The following SHMT1 variants were observed in gnomAD, a reference collection of about 807,000 sequenced individuals.
SHMT1 encodes the protein serine hydroxymethyltransferase 1, also known as serine hydroxymethyltransferase, cytosolic.
In SHMT1, 45 loss-of-function variants were observed where a neutral mutation model predicts 49.0. That is an observed-to-expected ratio of 0.92 (90% CI 0.72 to 1.18). SHMT1 has a LOEUF of 1.18. SHMT1 is among the 50% of genes most tolerant of loss of function. The pLI, the probability that SHMT1 is intolerant of heterozygous loss-of-function variation, is 0.00. For synonymous variants in SHMT1, 232 were observed against 246.6 expected (o/e 0.94, Z 0.55); for missense variants, 541 against 612.4 (o/e 0.88, Z 1.23).
intron 8 of SHMT1, 171 bp from the exon 9 acceptor site, chr17:18,333,459 T>G (rs1243740246): frequency 9.4e-6 from 3 of 319,342 alleles, no homozygotes; most frequent in Non-Finnish European, 1.6e-5. Flanking sequence ...AAATTTTTTA[T>G]TATTTATTAT....
intron 5 of SHMT1, among the ~76,000 whole-genome samples, chr17:18,346,649 C>A (rs1391081729): frequency 6.6e-6 from 1 of 152,068 alleles, no homozygotes; most frequent in East Asian, 1.9e-4. Context: ...CCAATAAGCT[C>A]ATCATTAAGC....
rs1386996913 is a variant in SHMT1 at position 18,347,752 on chromosome 17, C to G, written c.359-96G>C. 16 of 1,360,578 alleles carry G rather than the reference C, an allele frequency of 1.2e-5. No individual in the cohort carries two copies. The East Asian group carries it at 3.5e-4, about 30-fold the overall frequency. 84.3% of individuals were successfully genotyped at this position (1,360,578 alleles called of 1,614,324 possible). ...CCACTAAGCCTTCACCCAGGAGTGG[C>G]GAGAACAGGCCTTGTACCTTCCCTG... On this transcript the variant is annotated intron_variant, in intron 4 of 11. Coordinates refer to ENST00000316694, the MANE Select transcript of SHMT1 (RefSeq NM_004169.5).
In SHMT1 at chr17:18,348,452, G is replaced by C; in HGVS notation, c.243-12C>G. ...TCCCGCCATAGTATCTGTGGGAGAAGAGCAGGAGACTTAGATCCACTCAGA... is the reference window on the plus strand; with the variant it reads ...TCCCGCCATAGTATCTGTGGGAGAACAGCAGGAGACTTAGATCCACTCAGA... On this transcript the variant is annotated splice_polypyrimidine_tract_variant and intron_variant, in intron 3 of 11. Transcript: ENST00000316694. The C allele has an allele frequency of 2.5e-6, 4 of 1,583,130 alleles. No homozygotes were observed. The highest frequency in any genetic ancestry group is 3.5e-6 in the Non-Finnish European group (4 of 1,151,780).
At chr17:18,358,263 G>C (rs1403889612) in intron 1 of SHMT1, among the ~76,000 whole-genome samples, 8 of 150,990 alleles carry the variant, frequency 5.3e-5, no homozygotes, top group Non-Finnish European at 1.2e-4. Flanking sequence ...AGGCCGAGGT[G>C]GGCGGATCAG....
At chr17:18,356,480 C>T (rs752469463) in intron 1 of SHMT1, among the ~76,000 whole-genome samples, 38 of 152,140 alleles carry the variant, frequency 2.5e-4, no homozygotes, top group Non-Finnish European at 3.7e-4. Context: ...GGACTACAGG[C>T]GTGCGCCACT....
chr17:18,342,453 C>T (rs778837902), intron 5 of SHMT1, among the ~76,000 whole-genome samples: 22 of 151,990 alleles, frequency 1.4e-4, no homozygotes, highest in Non-Finnish European at 2.9e-4. Context: ...ATAGCTGGGA[C>T]CACAGGCAGT....
At chr17:18,337,345 GA>G (rs1251063660) in intron 7 of SHMT1, among the ~76,000 whole-genome samples, 16 of 152,216 alleles carry the variant, frequency 1.1e-4, no homozygotes, top group Non-Finnish European at 1.8e-4. Context: ...CACAGTGGGG[GA>G]AAAAACCAAA....
intron 9 of SHMT1, 70 bp downstream of exon 9, chr17:18,333,096 G>C: frequency 6.3e-7 from 1 of 1,586,858 alleles, no homozygotes; most frequent in Non-Finnish European, 8.6e-7. Context: ...CATCCTGGTT[G>C]CACAAACTGA....
intron 5 of SHMT1, among the ~76,000 whole-genome samples, chr17:18,342,537 C>G (rs1984634646): frequency 6.6e-6 from 1 of 151,884 alleles, no homozygotes; most frequent in South Asian, 2.1e-4. Flanking sequence ...TGGTCTCGAA[C>G]TCCTGGACTC....
At chr17:18,339,917 TG>T (rs1354316833) in intron 7 of SHMT1, 125 bp downstream of exon 7, 7 of 962,628 alleles carry the variant, frequency 7.3e-6, no homozygotes, top group African/African-American at 1.6e-5. Context: ...TTTAAGGGAC[TG>T]GGATCTTAAT....
In SHMT1 at chr17:18,340,398, T is replaced by C; in HGVS notation, c.602-143A>G. On this transcript the variant is annotated intron_variant, in intron 6 of 11. Coordinates refer to ENST00000316694, the MANE Select transcript of SHMT1 (RefSeq NM_004169.5). The surrounding 1 kb of genome is among the most constrained non-coding windows in gnomAD (Gnocchi z 4.5). Reference sequence around the variant, plus strand: ...CTCAGAGCAAAAATGGAGAATGCCCTCAAAAAGCACCTCTGTGCTAAAGGC... The same window carrying C: ...CTCAGAGCAAAAATGGAGAATGCCCCCAAAAAGCACCTCTGTGCTAAAGGC... 1.1e-6 allele frequency: 1 copy of C among 900,890 alleles called. No individual in the cohort carries two copies. The highest frequency in any genetic ancestry group is 1.8e-6 in the Non-Finnish European group (1 of 568,606). 55.8% of individuals were successfully genotyped at this position (900,890 alleles called of 1,614,324 possible).
At chr17:18,357,537 A>G (rs1436478960) in intron 1 of SHMT1, among the ~76,000 whole-genome samples, 1 of 152,056 alleles carries the variant, frequency 6.6e-6, no homozygotes, top group African/African-American at 2.4e-5. Context: ...AGCAAATAGC[A>G]CCTATTCACT....
chr17:18,348,801 C>T, intron 3 of SHMT1: 1 of 484,396 alleles, frequency 2.1e-6, no homozygotes. Flanking sequence ...ACAGCAATAT[C>T]CCCATCTCTA....
rs1385099976 is a variant in SHMT1, at chr17:18,356,015, A to G, written c.-19-15T>C. 8 of 1,212,296 alleles carry G rather than the reference A, an allele frequency of 6.6e-6. No individual in the cohort carries two copies. Among genetic ancestry groups the G allele is most frequent in the Non-Finnish European group, 9.8e-6 (8 of 816,124 alleles). 75.1% of individuals were successfully genotyped at this position (1,212,296 alleles called of 1,614,324 possible). A position where few individuals can be genotyped will look rare whatever the true frequency, so the allele number is the denominator to read the frequency against. On this transcript the variant is annotated splice_polypyrimidine_tract_variant and intron_variant, in intron 1 of 11. Coordinates refer to ENST00000316694, the MANE Select transcript of SHMT1 (RefSeq NM_004169.5). ...TTCGAAGCTGCCTAAAAAAATGGGA[A>G]AAACATGTGTAGCTTCCAGAATTAA...
rs1390071559 is a variant in SHMT1, at chr17:18,329,304, T to C, written c.1256A>G (p.Gln419Arg). ...TCTGTGAATAAAGTGGGCTACTTTT[T>C]GGAAGTCTTTTTCCAAAAGTCCACG... ...TSRGLLEKDF[Q>R]KVAHFIHRGI... The change falls in exon 11 of 12, where the codon CAA becomes CGA. Residue 419 changes from glutamine to arginine, a missense_variant. Transcript: ENST00000316694. 1 of 1,613,308 alleles carries C rather than the reference T, an allele frequency of 6.2e-7. No individual in the cohort carries two copies. Among genetic ancestry groups the C allele is most frequent in the Non-Finnish European group, 8.5e-7 (1 of 1,179,832 alleles).
At chr17:18,354,246 T>G (rs1055937657) in intron 2 of SHMT1, among the ~76,000 whole-genome samples, 15 of 152,092 alleles carry the variant, frequency 9.9e-5, no homozygotes, top group Middle Eastern at 3.2e-3. Flanking sequence ...GGAGAAACCC[T>G]CGTCTCTACT....
At chr17:18,357,972 T>G in intron 1 of SHMT1, among the ~76,000 whole-genome samples, 1 of 149,310 alleles carries the variant, frequency 6.7e-6, no homozygotes, top group Non-Finnish European at 1.5e-5. Context: ...CATGCCATTC[T>G]CCTGCCTCAG....
intron 1 of SHMT1, among the ~76,000 whole-genome samples, chr17:18,361,215 T>TA (rs1181542257): frequency 7.0e-6 from 1 of 141,974 alleles, no homozygotes; most frequent in Admixed American, 7.4e-5. Context: ...TGAGGCAAGA[T>TA]AATCGCTTGA....
chr17:18,340,899 C>T lies in SHMT1; in HGVS notation c.520-86G>A, dbSNP rs779267510. ...CTCCCACTTGAACTGGCTCCACCCA[C>T]CATGACAAGAGGAATGATGTCCTAG... On this transcript the variant is annotated intron_variant, in intron 5 of 11. Coordinates refer to ENST00000316694, the MANE Select transcript of SHMT1 (RefSeq NM_004169.5). This position sits in a 1 kb window ranked among gnomAD's most constrained non-coding sequence, Gnocchi z 4.5. The T allele has an allele frequency of 8.6e-6, 8 of 930,440 alleles. No homozygotes were observed. The highest frequency in any genetic ancestry group is 1.4e-5 in the South Asian group (1 of 71,440). The allele number at this position is 930,440 out of a possible 1,614,324, so 57.6% of individuals were successfully genotyped here. A position where few individuals can be genotyped will look rare whatever the true frequency, so the allele number is the denominator to read the frequency against.
Sources: allele counts gnomAD v4.1 joint callset (sites outside exome capture counted in the v4.1 genomes callset), GRCh38; gene constraint gnomAD v4.1.1; non-coding constraint Gnocchi (gnomAD v3.1); transcripts MANE v1.5; gene names NCBI Gene and HGNC (gene_info 2026-07-23, HGNC 2026-07-21).